Variants in DAP observed in about 807,000 individuals in gnomAD.
DAP encodes death associated protein.
DAP carries 8 observed loss-of-function variants against 13.8 expected under a neutral mutation model. The ratio of observed to expected loss-of-function variants is 0.58; its 90% confidence interval spans 0.34 to 1.05. DAP has a LOEUF of 1.05. DAP is among the 50% of genes least tolerant of loss of function. The pLI is 0.03. For missense variants in DAP, 106 were observed against 133.2 expected (o/e 0.80, Z 1.01); for synonymous variants, 47 against 47.5 (o/e 0.99, Z 0.04).
intron 2 of DAP, among the ~76,000 whole-genome samples, chr5:10,727,144 C>T (rs1354053368): frequency 2.6e-5 from 4 of 152,234 alleles, no homozygotes; most frequent in African/African-American, 9.6e-5. Context: ...TGTCTTTGCT[C>T]AGAGGACCTG....
chr5:10,708,531 T>C (rs1738761340), intron 2 of DAP, among the ~76,000 whole-genome samples: 2 of 152,154 alleles, frequency 1.3e-5, no homozygotes, highest in Non-Finnish European at 2.9e-5. Context: ...CCATGTAATA[T>C]GGGATCTGTA....
intron 2 of DAP, among the ~76,000 whole-genome samples, chr5:10,744,711 T>C (rs148393668): frequency 1.5e-3 from 222 of 152,350 alleles, no homozygotes; most frequent in Non-Finnish European, 2.5e-3. Flanking sequence ...AAGCTTTGCT[T>C]TCTTCGTCTC....
intron 1 of DAP, among the ~76,000 whole-genome samples, chr5:10,760,347 A>AGAG (rs1449370934): frequency 6.6e-6 from 1 of 152,156 alleles, no homozygotes; most frequent in African/African-American, 2.4e-5. Flanking sequence ...GTGCCCAGAG[A>AGAG]GAGGAGGAGG....
chr5:10,733,250 G>A lies in DAP; in HGVS notation c.152+14925C>T, dbSNP rs550431435. 2.6e-5 allele frequency among the ~76,000 whole-genome samples: 4 copies of A among 151,210 alleles called. No homozygotes were observed. The South Asian group carries it at 6.3e-4, about 24-fold the overall frequency. ...TCTCCATTCATCTGTTGATGGGCAC[G>A]TGAGTTGCTTCCACCTCCTGGCTAC... On this transcript the variant is annotated intron_variant, in intron 2 of 3. Transcript: ENST00000230895.
intron 2 of DAP, among the ~76,000 whole-genome samples, chr5:10,692,278 C>G (rs375937183): frequency 6.6e-6 from 1 of 152,206 alleles, no homozygotes; most frequent in African/African-American, 2.4e-5. Context: ...CCTCCCTCAT[C>G]ATCGTGGTGC....
At chr5:10,728,158 T>C (rs2126664144) in intron 2 of DAP, among the ~76,000 whole-genome samples, 1 of 152,368 alleles carries the variant, frequency 6.6e-6, no homozygotes, top group Middle Eastern at 3.4e-3. Context: ...CTTACTTTTT[T>C]TTCCTGGATA....
intron 2 of DAP, among the ~76,000 whole-genome samples, chr5:10,687,738 A>G (rs563478270): frequency 5.9e-5 from 9 of 152,340 alleles, no homozygotes; most frequent in Non-Finnish European, 1.3e-4. Flanking sequence ...TATTATATAA[A>G]CTTAATTGAT....
chr5:10,689,837 C>T (rs1738258353), intron 2 of DAP, among the ~76,000 whole-genome samples: 1 of 152,290 alleles, frequency 6.6e-6, no homozygotes, highest in East Asian at 1.9e-4. Flanking sequence ...CCCTTGTGCA[C>T]ACCCTGAGGG....
At chr5:10,760,957 C>G (rs1376607676) in intron 1 of DAP, 57 bp downstream of exon 1, 4 of 1,131,512 alleles carry the variant, frequency 3.5e-6, no homozygotes, top group East Asian at 3.9e-5. Flanking sequence ...CCGGCGCCCC[C>G]GGGTTCGAGC....
chr5:10,689,793 G>A (rs1738256808), intron 2 of DAP, among the ~76,000 whole-genome samples: 1 of 152,094 alleles, frequency 6.6e-6, no homozygotes, highest in South Asian at 2.1e-4. Context: ...CGCAGTCAAA[G>A]GGACTCACTC....
At chr5:10,703,794 C>A (rs1738636307) in intron 2 of DAP, among the ~76,000 whole-genome samples, 1 of 152,158 alleles carries the variant, frequency 6.6e-6, no homozygotes, top group Non-Finnish European at 1.5e-5. Context: ...AGGGAGCCTT[C>A]CCCTGGCTGG....
rs142769845 is a variant in DAP, at chr5:10,699,524, T to A, written c.153-15953A>T. Among the ~76,000 whole-genome samples, 46 of 152,254 alleles carry A rather than the reference T, an allele frequency of 3.0e-4. No individual in the cohort carries two copies. The East Asian group carries it at 7.5e-3, about 25-fold the overall frequency. ...AAGCTAATGCGAAAGCAGGTCACCATGGGTTTCTGGAAAAGTGGGCTGTCT... is the reference window on the plus strand; with the variant it reads ...AAGCTAATGCGAAAGCAGGTCACCAAGGGTTTCTGGAAAAGTGGGCTGTCT... On this transcript the variant is annotated intron_variant, in intron 2 of 3. Transcript: ENST00000230895.
At chr5:10,684,451 T>G (rs1468584516) in intron 2 of DAP, among the ~76,000 whole-genome samples, 1 of 152,130 alleles carries the variant, frequency 6.6e-6, no homozygotes, top group Non-Finnish European at 1.5e-5. Context: ...AGGGAATGGA[T>G]GCAGTACCAA....
At chr5:10,690,367 T>C (rs909119369) in intron 2 of DAP, among the ~76,000 whole-genome samples, 2 of 152,200 alleles carry the variant, frequency 1.3e-5, no homozygotes, top group Non-Finnish European at 1.5e-5. Context: ...TACAGTTCAG[T>C]GGCATTAAGT....
At chr5:10,703,361 C>T (rs550986543) in intron 2 of DAP, among the ~76,000 whole-genome samples, 2 of 152,306 alleles carry the variant, frequency 1.3e-5, no homozygotes, top group South Asian at 4.1e-4. Context: ...CTGGGCCTGG[C>T]TGGCTGTGGG....
chr5:10,692,653 G>A (rs1259281002), intron 2 of DAP, among the ~76,000 whole-genome samples: 2 of 152,084 alleles, frequency 1.3e-5, no homozygotes, highest in African/African-American at 2.4e-5. Flanking sequence ...ATTCCAGTGC[G>A]GTTTCTAGAG....
intron 2 of DAP, among the ~76,000 whole-genome samples, chr5:10,747,645 T>C (rs1739939093): frequency 1.3e-5 from 2 of 152,174 alleles, no homozygotes; most frequent in Non-Finnish European, 2.9e-5. Flanking sequence ...TGCCCAGAAA[T>C]TGTTAGTATT....
intron 2 of DAP, among the ~76,000 whole-genome samples, chr5:10,711,525 T>C (rs1042139925): frequency 6.6e-6 from 1 of 152,230 alleles, no homozygotes; most frequent in African/African-American, 2.4e-5. Context: ...CCAGCGTTTA[T>C]GCTCTGTGAG....
At chr5:10,721,066 G>C (rs920133827) in intron 2 of DAP, among the ~76,000 whole-genome samples, 1 of 152,242 alleles carries the variant, frequency 6.6e-6, no homozygotes, top group Non-Finnish European at 1.5e-5. Context: ...TGGATTGATA[G>C]AACAGTGGAG....
Sources: gnomAD v4.1 joint callset for allele counts (sites outside exome capture counted in the v4.1 genomes callset) on GRCh38, gnomAD v4.1.1 for gene constraint, MANE v1.5 for transcripts, NCBI Gene and HGNC (gene_info 2026-07-23, HGNC 2026-07-21) for gene names.